Variants in OTOG observed in about 807,000 individuals in gnomAD.
The protein encoded by OTOG is otogelin.
OTOG carries 296 observed loss-of-function variants against 313.8 expected under a neutral mutation model. The ratio of observed to expected loss-of-function variants is 0.94; its 90% confidence interval spans 0.86 to 1.04. The LOEUF is 1.04. Ranked by LOEUF, OTOG falls within the 50% of genes least tolerant of loss-of-function variation. The pLI is 0.00. For missense variants in OTOG, 3,948 were observed against 3,840.1 expected (o/e 1.03, Z -0.74); for synonymous variants, 1,533 against 1,554.9 (o/e 0.99, Z 0.33).
Position 17,552,059 on chromosome 11 carries a change from CAAGTGTGCACCATCCTGT to C in OTOG, c.282_292+7del. The C allele has an allele frequency of 6.4e-7, 1 of 1,550,522 alleles. No homozygotes were observed. The highest frequency in any genetic ancestry group is 1.2e-5 in the South Asian group (1 of 84,064). ...CCTGGGAAAGGCGGCTCCATCGGGC[CAAGTGTGCACCATCCTGT>C]AAGTGGCACCTTCACTGTGGTCCAT... is the stretch of plus-strand genomic sequence containing the variant. On this transcript the variant is annotated splice_donor_variant and coding_sequence_variant, in exon 4 of 56. Transcript: ENST00000399397. LOFTEE classifies it high-confidence loss of function.
intron 9 of OTOG, 54 bp from the exon 10 acceptor site, chr11:17,558,484 G>C: frequency 1.3e-6 from 2 of 1,543,704 alleles, no homozygotes; most frequent in Non-Finnish European, 1.8e-6. Flanking sequence ...TTCTGTGTGG[G>C]GCTGTGTGTG....
At chr11:17,638,423 C>T (rs543089779) in intron 47 of OTOG, 28 bp from the exon 48 acceptor site, 56 of 1,516,724 alleles carry the variant, frequency 3.7e-5, no homozygotes, top group East Asian at 1.2e-4. Context: ...CTGTGACTGA[C>T]GTGTCAACTG....
In OTOG at chr11:17,605,838, C is replaced by T. The variant is rs1277856296; in HGVS notation, c.3878-19C>T. On this transcript the variant is annotated intron_variant, in intron 32 of 55. Transcript: ENST00000399397. ...TGGACCTCTGCCTGTACTGACTCTC[C>T]CCATGTGGTTCTCTGCAGACCCAGA... 2.6e-6 allele frequency: 4 copies of T among 1,523,016 alleles called. No homozygotes were observed. Among genetic ancestry groups the T allele is most frequent in the Admixed American group, 4.0e-5 (2 of 50,034 alleles). 94.3% of individuals were successfully genotyped at this position (1,523,016 alleles called of 1,614,324 possible). A position where few individuals can be genotyped will look rare whatever the true frequency, so the allele number is the denominator to read the frequency against.
In OTOG at chr11:17,620,394, A is replaced by T. The variant is rs117630358; in HGVS notation, c.6528+6693A>T. Reference sequence around the variant, plus strand: ...ACTGAGCTCCATGTTTTGGGGGTTCATCCACATTGAAGCATGTATCAATGC... The same window carrying T: ...ACTGAGCTCCATGTTTTGGGGGTTCTTCCACATTGAAGCATGTATCAATGC... On this transcript the variant is annotated intron_variant, in intron 39 of 55. Coordinates refer to ENST00000399397, the MANE Select transcript of OTOG (RefSeq NM_001292063.2). Among the ~76,000 whole-genome samples, 216 of 152,312 alleles carry T rather than the reference A, an allele frequency of 1.4e-3. 5 individuals are homozygous for T. The East Asian group carries it at 0.037, about 26-fold the overall frequency.
At chr11:17,593,918 C>T (rs995366269) in intron 27 of OTOG, 129 bp from the exon 28 acceptor site, 50 of 1,409,380 alleles carry the variant, frequency 3.5e-5, no homozygotes, top group Non-Finnish European at 4.3e-5. Context: ...TGCTCCATCC[C>T]TCTTCAAACT....
At chr11:17,585,650 C>T (rs887879520) in intron 23 of OTOG, among the ~76,000 whole-genome samples, 1 of 152,152 alleles carries the variant, frequency 6.6e-6, no homozygotes, top group African/African-American at 2.4e-5. Context: ...AGCCCTCAAC[C>T]CCATTTTCTG....
intron 39 of OTOG, among the ~76,000 whole-genome samples, chr11:17,619,338 A>T (rs774494886): frequency 6.6e-6 from 1 of 152,200 alleles, no homozygotes; most frequent in Non-Finnish European, 1.5e-5. Flanking sequence ...TTCAGTTTTT[A>T]AAGATCCAAT....
chr11:17,607,891 C>T (rs1800767978), intron 33 of OTOG, among the ~76,000 whole-genome samples: 1 of 152,178 alleles, frequency 6.6e-6, no homozygotes, highest in Non-Finnish European at 1.5e-5. Context: ...TTACTGTGTC[C>T]TGGGATGCAG....
intron 54 of OTOG, among the ~76,000 whole-genome samples, chr11:17,644,378 C>T (rs1276229421): frequency 6.6e-6 from 1 of 152,258 alleles, no homozygotes; most frequent in Non-Finnish European, 1.5e-5. Flanking sequence ...AGTAGGAAAC[C>T]TCTGTGGTGA....
intron 39 of OTOG, 128 bp from the exon 40 acceptor site, chr11:17,629,005 G>A: frequency 1.1e-6 from 1 of 922,276 alleles, no homozygotes; most frequent in Non-Finnish European, 1.6e-6. Flanking sequence ...CATAGCAGAT[G>A]CCTAATAAAT....
At position 17,610,647 on chromosome 11, in the gene OTOG, G is replaced by T; in HGVS notation, c.5347G>T (p.Ala1783Ser). ...CCTGTCAACAGCCACTGATGGGCTG[G>T]CAGCCACACCCTTCATGTCCCTTGA... is the stretch of plus-strand genomic sequence containing the variant. The part of the protein sequence containing the change: ...ASLSTATDGL[A>S]ATPFMSLEST... Residue 1783 changes from alanine to serine, a missense_variant, in exon 36 of 56, where the codon GCA becomes TCA. Coordinates refer to ENST00000399397, the MANE Select transcript of OTOG (RefSeq NM_001292063.2). 1 of 1,550,570 alleles carries T rather than the reference G, an allele frequency of 6.4e-7. No homozygotes were observed. Among genetic ancestry groups the T allele is most frequent in the Non-Finnish European group, 8.7e-7 (1 of 1,146,970 alleles).
At chr11:17,632,305 C>A in intron 42 of OTOG, 79 bp downstream of exon 42, 1 of 1,433,478 alleles carries the variant, frequency 7.0e-7, no homozygotes, top group South Asian at 1.5e-5. Flanking sequence ...GGCTCCCGGC[C>A]CCAAGTTCAT....
chr11:17,593,294 A>C lies in OTOG; in HGVS notation c.3108A>C (p.Ser1036=), dbSNP rs1183984185. Residue 1036 remains serine (S), a synonymous_variant, in exon 26 of 56, where the codon TCA becomes TCC. Coordinates refer to ENST00000399397, the MANE Select transcript of OTOG (RefSeq NM_001292063.2). The stretch of plus-strand genomic sequence containing the variant: ...TTATTTCCATCAACGTTGGGAACTC[A>C]CTCATTGTCTTTGATGATGACTCCG... ...RKFISINVGN[S]LIVFDDDSGN... is the part of the protein sequence containing the mutation. 6.4e-7 allele frequency: 1 copy of C among 1,550,408 alleles called. No individual in the cohort carries two copies. The highest frequency in any genetic ancestry group is 1.4e-5 in the African/African-American group (1 of 73,024).
chr11:17,570,295 A>G lies in OTOG; in HGVS notation c.1860A>G (p.Glu620=), dbSNP rs929882482. The change falls in exon 17 of 56, where the codon GAA becomes GAG. Residue 620 remains glutamate (E), a synonymous_variant. Transcript: ENST00000399397. ...GCGTGCGGGTGCTCTACGACCGTGA[A>G]GGGCTCCGACTGTACCTGCAAGTGG... ...NVGVRVLYDR[E]GLRLYLQVDQ... The G allele has an allele frequency of 6.4e-7, 1 of 1,550,754 alleles. No homozygotes were observed. Among genetic ancestry groups the G allele is most frequent in the Admixed American group, 2.0e-5 (1 of 51,004 alleles).
intron 34 of OTOG, among the ~76,000 whole-genome samples, chr11:17,608,686 G>A (rs1057420764): frequency 1.7e-4 from 26 of 152,332 alleles, no homozygotes; most frequent in African/African-American, 6.3e-4. Context: ...CAGGTGTTGT[G>A]TGCAGCTGTG....
chr11:17,610,129 C>T lies in OTOG; in HGVS notation c.4829C>T (p.Ala1610Val). Residue 1610 changes from alanine to valine, a missense_variant, in exon 36 of 56, where the codon GCC (alanine) becomes GTC (valine). By Grantham distance (64) the Ala-to-Val change is moderately conservative. Coordinates refer to ENST00000399397, the MANE Select transcript of OTOG (RefSeq NM_001292063.2). ...ACAGTCTCCTCCCGGTCGCCCCCTG[C>T]CCCTCGCTTCCCGCTCATGACCAAG... is the stretch of plus-strand genomic sequence containing the variant. ...NITVSSRSPP[A>V]PRFPLMTKAV... The T allele has an allele frequency of 6.4e-7, 1 of 1,550,656 alleles. No individual in the cohort carries two copies. Among genetic ancestry groups the T allele is most frequent in the Non-Finnish European group, 8.7e-7 (1 of 1,146,970 alleles).
At chr11:17,569,331 G>T in intron 16 of OTOG, 43 bp downstream of exon 16, 6 of 1,547,562 alleles carry the variant, frequency 3.9e-6, no homozygotes, top group Non-Finnish European at 5.2e-6. Context: ...GGAACTGAGG[G>T]TTTGGACCTC....
intron 44 of OTOG, 84 bp downstream of exon 44, chr11:17,634,365 G>T: frequency 7.1e-7 from 1 of 1,399,958 alleles, no homozygotes; most frequent in Admixed American, 2.1e-5. Flanking sequence ...CTGATGGATA[G>T]GACAAGGCCT....
intron 20 of OTOG, among the ~76,000 whole-genome samples, chr11:17,575,177 C>T (rs1852497259): frequency 6.6e-6 from 1 of 152,254 alleles, no homozygotes; most frequent in Admixed American, 6.5e-5. Flanking sequence ...CCTCTCTCTC[C>T]TCATTCCCCT....
Sources: gnomAD v4.1 joint callset for allele counts (sites outside exome capture counted in the v4.1 genomes callset) on GRCh38, gnomAD v4.1.1 for gene constraint, MANE v1.5 for transcripts, NCBI Gene and HGNC (gene_info 2026-07-23, HGNC 2026-07-21) for gene names.